The following OSBPL6 variants were observed in gnomAD, a reference collection of about 807,000 sequenced individuals.
OSBPL6 encodes oxysterol-binding protein-related protein 6.
Under a neutral mutation model 125.8 loss-of-function variants are expected in OSBPL6, and 49 were observed. That is an observed-to-expected ratio of 0.39 (90% CI 0.31 to 0.49). The LOEUF (loss-of-function observed/expected upper bound fraction) is 0.49, where lower values mean the gene tolerates loss of function less well. OSBPL6 is among the 20% of genes least tolerant of loss of function. The pLI is 0.88. For missense variants in OSBPL6, 986 were observed against 1,135.4 expected (o/e 0.87, Z 1.89); for synonymous variants, 394 against 391.8 (o/e 1.01, Z -0.07).
At chr2:178,349,578 G>T (rs1160799601) in intron 12 of OSBPL6, among the ~76,000 whole-genome samples, 189 bp downstream of exon 12, 2 of 152,150 alleles carry the variant, frequency 1.3e-5, no homozygotes, top group Non-Finnish European at 2.9e-5. Context: ...CACATCACAG[G>T]TTTACAGTTT....
intron 1 of OSBPL6, among the ~76,000 whole-genome samples, chr2:178,275,228 G>C (rs1204794795): frequency 6.6e-6 from 1 of 152,074 alleles, no homozygotes; most frequent in Non-Finnish European, 1.5e-5. Context: ...GAAAGATAAT[G>C]GTGCTGGGCA....
chr2:178,386,150 T>G (rs187699448), intron 19 of OSBPL6, among the ~76,000 whole-genome samples: 1 of 152,322 alleles, frequency 6.6e-6, no homozygotes, highest in East Asian at 1.9e-4. Context: ...CAGAATGACT[T>G]CTCATGAGCA....
chr2:178,284,666 C>T (rs1684532705), intron 1 of OSBPL6, among the ~76,000 whole-genome samples: 1 of 152,170 alleles, frequency 6.6e-6, no homozygotes, highest in Non-Finnish European at 1.5e-5. Context: ...TGCTATATCA[C>T]TTGAGAGTTT....
intron 1 of OSBPL6, among the ~76,000 whole-genome samples, chr2:178,235,686 G>A (rs1191619749): frequency 1.3e-5 from 2 of 152,086 alleles, no homozygotes; most frequent in Non-Finnish European, 2.9e-5. Flanking sequence ...GATTATAGGC[G>A]TGAGCCACTG....
chr2:178,361,961 A>G (rs888354177), intron 13 of OSBPL6, 146 bp downstream of exon 13: 14 of 1,015,860 alleles, frequency 1.4e-5, no homozygotes, highest in Non-Finnish European at 1.8e-5. Context: ...CTGCAGTGTC[A>G]GTATTAGATT....
chr2:178,396,762 T>G lies in OSBPL6; in HGVS notation c.*1203T>G, dbSNP rs552310513. On this transcript the variant is annotated 3_prime_UTR_variant, in exon 25 of 25. Transcript: ENST00000190611. ...GCATTTACCTTGCTATTGGCAGAGA[T>G]ATGAAACTTAAGCTAAGGAATGTAT... The G allele has an allele frequency of 2.0e-5, 3 of 152,354 alleles. No homozygotes were observed. The highest frequency in any genetic ancestry group is 7.2e-5 in the African/African-American group (3 of 41,588). The allele number at this position is 152,354 out of a possible 1,614,324, so 9.4% of individuals were successfully genotyped here. A position where few individuals can be genotyped will look rare whatever the true frequency, so the allele number is the denominator to read the frequency against.
At chr2:178,353,062 G>A (rs1180316680) in intron 12 of OSBPL6, among the ~76,000 whole-genome samples, 14 of 152,146 alleles carry the variant, frequency 9.2e-5, no homozygotes, top group Admixed American at 8.5e-4. Context: ...CAACAAAAAG[G>A]TCATCTACAC....
rs116832965 is a variant in OSBPL6, at chr2:178,308,270, C to T, written c.102+1984C>T. On this transcript the variant is annotated intron_variant, in intron 3 of 24. Coordinates refer to ENST00000190611, the MANE Select transcript of OSBPL6 (RefSeq NM_032523.4). ...TCCTTATCTCAATCACTGCCTAAAC[C>T]TCAGAATTAACTTAGGGAACTCAGA... 4.7e-3 allele frequency among the ~76,000 whole-genome samples: 717 copies of T among 152,296 alleles called. 2 individuals are homozygous for T. The highest frequency in any genetic ancestry group is 0.013 in the African/African-American group (554 of 41,566).
At chr2:178,349,487 A>T (rs945470983) in intron 12 of OSBPL6, 98 bp downstream of exon 12, 3 of 1,403,460 alleles carry the variant, frequency 2.1e-6, no homozygotes, top group Admixed American at 4.1e-5. Flanking sequence ...AATGATAGAA[A>T]GATTAAATGG....
In OSBPL6 at chr2:178,370,211, G is replaced by A. The variant is rs6719229; in HGVS notation, c.1288-1915G>A. ...ACCCAGGAGGCCGAGGTTGCAGTGA[G>A]CTGAGATCACACCACTGCACTCCAG... On this transcript the variant is annotated intron_variant, in intron 13 of 24. Coordinates refer to ENST00000190611, the MANE Select transcript of OSBPL6 (RefSeq NM_032523.4). 7.6e-3 allele frequency among the ~76,000 whole-genome samples: 1,150 copies of A among 152,276 alleles called. 17 individuals are homozygous for A. The highest frequency in any genetic ancestry group is 0.027 in the African/African-American group (1,101 of 41,526).
chr2:178,210,821 AAAAC>A (rs1382864324), intron 1 of OSBPL6, among the ~76,000 whole-genome samples: 15 of 122,834 alleles, frequency 1.2e-4, no homozygotes, highest in African/African-American at 5.4e-4. Context: ...TCAAAAAAAA[AAAAC>A]ACACACACAC....
chr2:178,233,883 A>T (rs1378915013), intron 1 of OSBPL6, among the ~76,000 whole-genome samples: 5 of 152,214 alleles, frequency 3.3e-5, no homozygotes, highest in Non-Finnish European at 7.3e-5. Context: ...AATTATCATT[A>T]GTAATATTAT....
Position 178,392,422 on chromosome 2 carries a change from A to T in OSBPL6, c.2457A>T (p.Pro819=). ...AKCIWRPGSM[P]TNYELYYGFT... is the part of the protein sequence containing the mutation. Reference sequence around the variant, plus strand: ...TTGGCCTCTTTCCAGGTTCCATGCCAACAAACTATGAGCTGTACTATGGCT... The same window carrying T: ...TTGGCCTCTTTCCAGGTTCCATGCCTACAAACTATGAGCTGTACTATGGCT... Residue 819 remains proline (P), a synonymous_variant, in exon 23 of 25, where the codon CCA becomes CCT. Coordinates refer to ENST00000190611, the MANE Select transcript of OSBPL6 (RefSeq NM_032523.4). 6.2e-7 allele frequency: 1 copy of T among 1,614,052 alleles called. No homozygotes were observed. The highest frequency in any genetic ancestry group is 8.5e-7 in the Non-Finnish European group (1 of 1,179,928).
At chr2:178,255,113 G>A (rs2154007204) in intron 1 of OSBPL6, among the ~76,000 whole-genome samples, 1 of 152,360 alleles carries the variant, frequency 6.6e-6, no homozygotes, top group East Asian at 1.9e-4. Flanking sequence ...AGACCAGCTA[G>A]GCCAGCATGG....
At chr2:178,372,032 C>A in intron 13 of OSBPL6, 94 bp from the exon 14 acceptor site, 2 of 900,712 alleles carry the variant, frequency 2.2e-6, no homozygotes, top group Non-Finnish European at 3.4e-6. Context: ...AAGAACATCA[C>A]AGACATTATT....
At chr2:178,389,218 A>C in intron 21 of OSBPL6, 65 bp downstream of exon 21, 1 of 1,485,780 alleles carries the variant, frequency 6.7e-7, no homozygotes, top group Non-Finnish European at 9.2e-7. Flanking sequence ...AAGAAATAGA[A>C]TAATCACCTT....
chr2:178,245,081 T>C (rs2091442086), intron 1 of OSBPL6, among the ~76,000 whole-genome samples: 1 of 152,190 alleles, frequency 6.6e-6, no homozygotes, highest in Non-Finnish European at 1.5e-5. Flanking sequence ...AACTTCTTAC[T>C]CGATGATTTG....
chr2:178,243,722 C>T (rs758506141), intron 1 of OSBPL6, among the ~76,000 whole-genome samples: 3 of 152,152 alleles, frequency 2.0e-5, no homozygotes, highest in Non-Finnish European at 2.9e-5. Context: ...GGCTCAGTCT[C>T]GGCTCACTGC....
intron 3 of OSBPL6, among the ~76,000 whole-genome samples, chr2:178,319,411 A>G (rs931319086): frequency 3.9e-5 from 6 of 152,146 alleles, no homozygotes; most frequent in Admixed American, 6.6e-5. Flanking sequence ...TGATATGTTC[A>G]TTTATCAATT....
Sources: allele counts gnomAD v4.1 joint callset (sites outside exome capture counted in the v4.1 genomes callset), GRCh38; gene constraint gnomAD v4.1.1; transcripts MANE v1.5; gene names NCBI Gene and HGNC (gene_info 2026-07-23, HGNC 2026-07-21).